The following CCDC171 variants were observed in gnomAD, a reference collection of about 807,000 sequenced individuals.
The protein encoded by CCDC171 is coiled-coil domain containing 171.
CCDC171 carries 177 observed loss-of-function variants against 168.2 expected under a neutral mutation model. The ratio of observed to expected loss-of-function variants is 1.05; its 90% confidence interval spans 0.93 to 1.19. The LOEUF (loss-of-function observed/expected upper bound fraction) is 1.19. CCDC171 is among the 50% of genes most tolerant of loss of function. CCDC171 has a pLI of 0.00. For synonymous variants in CCDC171, 687 were observed against 540.8 expected (o/e 1.27, Z -3.75); for missense variants, 1,991 against 1,539.0 (o/e 1.29, Z -4.91).
intron 11 of CCDC171, among the ~76,000 whole-genome samples, chr9:15,706,248 C>CCTTG (rs561934060): frequency 1.1e-3 from 103 of 94,590 alleles, no homozygotes; most frequent in Middle Eastern, 5.4e-3. Context: ...TTCCTTGCTT[C>CCTTG]CTTCCTTCCT....
At chr9:15,777,101 A>G (rs2057368037) in intron 18 of CCDC171, among the ~76,000 whole-genome samples, 3 of 152,252 alleles carry the variant, frequency 2.0e-5, no homozygotes, top group Admixed American at 6.5e-5. Flanking sequence ...AGCAGTAAGC[A>G]GGCCATGTTG....
At chr9:15,729,981 A>G (rs1242784938) in intron 16 of CCDC171, among the ~76,000 whole-genome samples, 183 bp downstream of exon 16, 2 of 152,016 alleles carry the variant, frequency 1.3e-5, no homozygotes, top group African/African-American at 4.8e-5. Flanking sequence ...GGGTGTGTAT[A>G]TTAAGGATTG....
chr9:15,670,009 C>A, intron 9 of CCDC171, among the ~76,000 whole-genome samples: 1 of 148,840 alleles, frequency 6.7e-6, no homozygotes, highest in Admixed American at 6.7e-5. Context: ...GGGATCCTAG[C>A]TACAAACTTA....
intron 24 of CCDC171, chr9:15,886,466 C>T (rs1225088177): frequency 6.6e-6 from 1 of 152,030 alleles, no homozygotes; most frequent in Non-Finnish European, 1.5e-5. Flanking sequence ...CAAAAGACAA[C>T]AAGTGTTGGC....
intron 7 of CCDC171, among the ~76,000 whole-genome samples, chr9:15,626,337 C>G (rs1363371006): frequency 3.9e-5 from 6 of 152,188 alleles, no homozygotes; most frequent in Non-Finnish European, 5.9e-5. Flanking sequence ...CTGGCCAGAA[C>G]TTCCAACACT....
intron 3 of CCDC171, among the ~76,000 whole-genome samples, chr9:16,008,105 T>G (rs1435415337): frequency 6.6e-6 from 1 of 152,200 alleles, no homozygotes; most frequent in Non-Finnish European, 1.5e-5. Context: ...ATCCATTTTT[T>G]TGTTCATATT....
chr9:16,048,312 G>T (rs1833693102), intron 1 of CCDC171, among the ~76,000 whole-genome samples: 1 of 152,202 alleles, frequency 6.6e-6, no homozygotes, highest in Non-Finnish European at 1.5e-5. Flanking sequence ...AGTAGGGCTG[G>T]ACAGGAAAGG....
intron 3 of CCDC171, among the ~76,000 whole-genome samples, chr9:15,576,117 A>ATCT (rs2040638000): frequency 3.0e-5 from 1 of 32,816 alleles, no homozygotes; most frequent in African/African-American, 1.1e-4. Context: ...ATAGCTACAT[A>ATCT]TATATCATAT....
intron 3 of CCDC171, among the ~76,000 whole-genome samples, chr9:15,985,732 A>G (rs889827261): frequency 6.6e-6 from 1 of 152,202 alleles, no homozygotes; most frequent in Non-Finnish European, 1.5e-5. Flanking sequence ...GTATTTATTT[A>G]TTATTTATTT....
At chr9:15,609,455 T>C (rs1265117334) in intron 6 of CCDC171, among the ~76,000 whole-genome samples, 7 of 152,132 alleles carry the variant, frequency 4.6e-5, no homozygotes, top group African/African-American at 1.7e-4. Context: ...TATTTTTTTA[T>C]AGTTGTGATT....
intron 4 of CCDC171, among the ~76,000 whole-genome samples, chr9:15,588,831 C>T (rs761485893): frequency 6.6e-6 from 1 of 151,862 alleles, no homozygotes; most frequent in African/African-American, 2.4e-5. Context: ...CCTCAGCCTC[C>T]TGAGTAGCTG....
intron 11 of CCDC171, among the ~76,000 whole-genome samples, chr9:15,702,013 T>A (rs1455006014): frequency 6.6e-6 from 1 of 152,222 alleles, no homozygotes; most frequent in Non-Finnish European, 1.5e-5. Flanking sequence ...AAAAATTACT[T>A]CTTGATCCAT....
chr9:15,921,728 T>A (rs1486033491), intron 25 of CCDC171, among the ~76,000 whole-genome samples: 1 of 151,668 alleles, frequency 6.6e-6, no homozygotes, highest in African/African-American at 2.4e-5. Flanking sequence ...GAGAGATTAG[T>A]AAATTTGACC....
intron 21 of CCDC171, among the ~76,000 whole-genome samples, chr9:15,840,660 A>G (rs1030015533): frequency 6.6e-6 from 1 of 152,106 alleles, no homozygotes; most frequent in Non-Finnish European, 1.5e-5. Flanking sequence ...CATTACTGTC[A>G]CATTACTGCT....
intron 23 of CCDC171, among the ~76,000 whole-genome samples, chr9:15,874,028 T>G (rs1238157580): frequency 6.6e-6 from 1 of 152,116 alleles, no homozygotes; most frequent in Non-Finnish European, 1.5e-5. Flanking sequence ...TGTATATTTT[T>G]AAGTCTCCTT....
At chr9:15,831,961 T>C (rs2060251370) in intron 21 of CCDC171, among the ~76,000 whole-genome samples, 1 of 152,118 alleles carries the variant, frequency 6.6e-6, no homozygotes, top group Admixed American at 6.5e-5. Flanking sequence ...ATTTTGGTTT[T>C]GATTTCTTTT....
intron 21 of CCDC171, among the ~76,000 whole-genome samples, chr9:15,839,234 A>G (rs533008540): frequency 3.3e-5 from 5 of 152,206 alleles, no homozygotes; most frequent in Non-Finnish European, 7.3e-5. Flanking sequence ...TGAAGCTCTT[A>G]TTGGACTTTA....
intron 24 of CCDC171, among the ~76,000 whole-genome samples, chr9:15,918,925 A>G (rs1355404402): frequency 1.3e-5 from 2 of 151,594 alleles, no homozygotes; most frequent in Non-Finnish European, 3.0e-5. Flanking sequence ...CATTCTTCAA[A>G]GCAGTCATTA....
At chr9:16,066,260 C>T (rs942841512), downstream of CCDC171, among the ~76,000 whole-genome samples, 20 of 152,214 alleles carry the variant, frequency 1.3e-4, no homozygotes, top group African/African-American at 3.6e-4. Context: ...CTGTCTGCTG[C>T]GTTGGGTTAA....
Sources: allele counts gnomAD v4.1 joint callset (sites outside exome capture counted in the v4.1 genomes callset), GRCh38; gene constraint gnomAD v4.1.1; transcripts MANE v1.5; gene names NCBI Gene and HGNC (gene_info 2026-07-23, HGNC 2026-07-21).